FSHR: variants seen among roughly 807,000 people sequenced by gnomAD.
FSHR encodes follicle-stimulating hormone receptor.
In FSHR, 46 loss-of-function variants were observed where a neutral mutation model predicts 52.1. The ratio of observed to expected loss-of-function variants is 0.88; its 90% confidence interval spans 0.70 to 1.13. The LOEUF (loss-of-function observed/expected upper bound fraction) is 1.13, where lower values mean the gene tolerates loss of function less well. Ranked by LOEUF, FSHR falls within the 50% of genes most tolerant of loss-of-function variation. The pLI is 0.00. For missense variants in FSHR, 964 were observed against 834.6 expected, an observed-to-expected ratio of 1.16 and a Z score of -1.91; for synonymous variants, 399 against 309.6, an observed-to-expected ratio of 1.29 and a Z score of -3.03.
chr2:48,983,169 G>T lies in FSHR; in HGVS notation c.525-3C>A. On this transcript the variant is annotated splice_region_variant and splice_polypyrimidine_tract_variant and intron_variant, in intron 6 of 9. Coordinates refer to ENST00000406846, the MANE Select transcript of FSHR (RefSeq NM_000145.4). ...GAATCCCATTCTTATTCAGCCATCTGAAATAAAAGGCCTATTAAAAAACCA... is the reference window on the plus strand; with the variant it reads ...GAATCCCATTCTTATTCAGCCATCTTAAATAAAAGGCCTATTAAAAAACCA... 2 of 1,613,648 alleles carry T rather than the reference G, an allele frequency of 1.2e-6. No homozygotes were observed. The highest frequency in any genetic ancestry group is 1.1e-5 in the South Asian group (1 of 91,038).
At chr2:48,964,569 T>C (rs1389683087) in intron 9 of FSHR, among the ~76,000 whole-genome samples, 1 of 152,182 alleles carries the variant, frequency 6.6e-6, no homozygotes, top group African/African-American at 2.4e-5. Context: ...TTATCTCACT[T>C]TCTGGGGGCC....
intron 1 of FSHR, among the ~76,000 whole-genome samples, chr2:49,100,315 G>A (rs1258589614): frequency 6.6e-6 from 1 of 151,996 alleles, no homozygotes; most frequent in East Asian, 1.9e-4. Flanking sequence ...AAAAGAAGGT[G>A]GGATTATACC....
intron 1 of FSHR, among the ~76,000 whole-genome samples, chr2:49,090,124 A>AGT (rs35574043): frequency 0.17 from 25,920 of 148,692 alleles, 2,424 homozygotes; most frequent in South Asian, 0.26. Context: ...AGTAAAATCG[A>AGT]GTGTGTGTGT....
intron 2 of FSHR, among the ~76,000 whole-genome samples, chr2:49,049,646 A>C (rs1220489945): frequency 2.0e-5 from 3 of 152,076 alleles, no homozygotes; most frequent in African/African-American, 7.2e-5. Context: ...CTGTATTCTT[A>C]CTGTATTTTC....
intron 1 of FSHR, among the ~76,000 whole-genome samples, chr2:49,104,058 G>C (rs140541140): frequency 6.6e-6 from 1 of 152,010 alleles, no homozygotes; most frequent in Non-Finnish European, 1.5e-5. Flanking sequence ...TGGGGGAGAT[G>C]ATAGTATCAG....
chr2:48,993,798 T>C (rs1162007308), intron 4 of FSHR, among the ~76,000 whole-genome samples: 1 of 152,196 alleles, frequency 6.6e-6, no homozygotes, highest in East Asian at 1.9e-4. Context: ...TATTTGCATG[T>C]ACTTTCTCTA....
chr2:49,065,506 G>T (rs1052423884), intron 2 of FSHR, among the ~76,000 whole-genome samples: 1 of 152,052 alleles, frequency 6.6e-6, no homozygotes, highest in Non-Finnish European at 1.5e-5. Context: ...TTGGGAACCT[G>T]GGCAGATGGT....
chr2:49,100,964 GA>G (rs1326663171), intron 1 of FSHR, among the ~76,000 whole-genome samples: 1 of 152,140 alleles, frequency 6.6e-6, no homozygotes, highest in Non-Finnish European at 1.5e-5. Flanking sequence ...AAAGGAAGTA[GA>G]GAATTTTTAA....
chr2:48,962,772 A>AG lies in FSHR; in HGVS notation c.2048dup (p.Tyr684LeufsTer25). On this transcript the variant is annotated frameshift_variant, in exon 10 of 10. Coordinates refer to ENST00000406846, the MANE Select transcript of FSHR (RefSeq NM_000145.4). LOFTEE classifies it high-confidence loss of function. Reference sequence around the variant, plus strand: ...AATGACTTAGAGGGACAAGTATGTAAGTGGAACCACTGGTGACTCTGGGAG... The same window carrying AG: ...AATGACTTAGAGGGACAAGTATGTAAGGTGGAACCACTGGTGACTCTGGGAG... 1 of 1,614,130 alleles carries AG rather than the reference A, an allele frequency of 6.2e-7. No individual in the cohort carries two copies. The highest frequency in any genetic ancestry group is 8.5e-7 in the Non-Finnish European group (1 of 1,179,956).
At chr2:48,987,603 C>T (rs1675570457) in intron 6 of FSHR, among the ~76,000 whole-genome samples, 1 of 152,128 alleles carries the variant, frequency 6.6e-6, no homozygotes, top group Admixed American at 6.5e-5. Flanking sequence ...TAGCTAACTA[C>T]TGCTCATCTT....
intron 3 of FSHR, among the ~76,000 whole-genome samples, chr2:49,019,743 T>C (rs775372254): frequency 6.6e-6 from 1 of 152,234 alleles, no homozygotes; most frequent in Non-Finnish European, 1.5e-5. Context: ...ACTAATCAAC[T>C]TCAACTACAT....
At chr2:49,138,267 G>C (rs946451566) in intron 1 of FSHR, among the ~76,000 whole-genome samples, 1 of 152,124 alleles carries the variant, frequency 6.6e-6, no homozygotes, top group Non-Finnish European at 1.5e-5. Flanking sequence ...CTGTTCGTGG[G>C]AATGTAAAAT....
intron 4 of FSHR, among the ~76,000 whole-genome samples, chr2:49,015,813 A>G (rs1251953785): frequency 6.6e-6 from 1 of 152,164 alleles, no homozygotes; most frequent in Non-Finnish European, 1.5e-5. Context: ...AAAAATGCAG[A>G]GCCTCTTGTT....
At chr2:49,065,758 A>C (rs565672973) in intron 2 of FSHR, among the ~76,000 whole-genome samples, 1 of 152,146 alleles carries the variant, frequency 6.6e-6, no homozygotes, top group East Asian at 1.9e-4. Context: ...GCTAGAAGAA[A>C]AGAAAATGGC....
chr2:49,115,202 G>A (rs928548571), intron 1 of FSHR, among the ~76,000 whole-genome samples: 2 of 151,258 alleles, frequency 1.3e-5, no homozygotes, highest in African/African-American at 4.9e-5. Flanking sequence ...GGAGGCACCG[G>A]AGCAGAGAGA....
chr2:48,995,014 C>T (rs1294971097), intron 4 of FSHR, among the ~76,000 whole-genome samples: 1 of 152,144 alleles, frequency 6.6e-6, no homozygotes, highest in African/African-American at 2.4e-5. Context: ...GGATAATATG[C>T]TTGCCTTTCA....
At chr2:49,071,432 T>C (rs549735877) in intron 1 of FSHR, among the ~76,000 whole-genome samples, 1 of 152,212 alleles carries the variant, frequency 6.6e-6, no homozygotes, top group East Asian at 1.9e-4. Flanking sequence ...ATGTAGAAAA[T>C]CATTCAAATG....
intron 2 of FSHR, among the ~76,000 whole-genome samples, chr2:49,064,600 T>A (rs1170123533): frequency 6.6e-6 from 1 of 152,082 alleles, no homozygotes; most frequent in Non-Finnish European, 1.5e-5. Context: ...CAGTATTTTG[T>A]TATAGCAGCA....
At chr2:49,057,732 T>A (rs1349251884) in intron 2 of FSHR, among the ~76,000 whole-genome samples, 1 of 152,138 alleles carries the variant, frequency 6.6e-6, no homozygotes, top group Non-Finnish European at 1.5e-5. Context: ...AAAGAAAACG[T>A]AGGCCAATAT....
Sources: allele counts gnomAD v4.1 joint callset (sites outside exome capture counted in the v4.1 genomes callset), GRCh38; gene constraint gnomAD v4.1.1; transcripts MANE v1.5; gene names NCBI Gene and HGNC (gene_info 2026-07-23, HGNC 2026-07-21).